MGAT4C: variants seen among roughly 807,000 people sequenced by gnomAD.
MGAT4C encodes MGAT4 family member C, also known as alpha-1,3-mannosyl-glycoprotein 4-beta-N-acetylglucosaminyltransferase C.
MGAT4C carries 19 observed loss-of-function variants against 40.1 expected under a neutral mutation model. That is an observed-to-expected ratio of 0.47 (90% CI 0.33 to 0.70). MGAT4C has a LOEUF of 0.70. MGAT4C is among the 30% of genes least tolerant of loss of function. MGAT4C has a pLI of 0.02. For missense variants in MGAT4C, 491 were observed against 563.2 expected (o/e 0.87, Z 1.30); for synonymous variants, 181 against 187.1 (o/e 0.97, Z 0.27).
At chr12:86,714,697 A>G (rs1950614491) in intron 2 of MGAT4C, among the ~76,000 whole-genome samples, 1 of 151,886 alleles carries the variant, frequency 6.6e-6, no homozygotes, top group Admixed American at 6.6e-5. Flanking sequence ...TAAATTACCC[A>G]GTCTCCAGTA....
chr12:85,968,682 C>T lies in MGAT4C; in HGVS notation c.*10607G>A, dbSNP rs1175798689. ...CTTAGTTGCTCCGTGGTTGTCAAAT[C>T]TGTCTGCACATTAGGATCACTTAGG... On this transcript the variant is annotated 3_prime_UTR_variant, in exon 5 of 5. Transcript: ENST00000611864. The T allele has an allele frequency of 6.6e-6, 1 of 151,920 alleles. No homozygotes were observed. The highest frequency in any genetic ancestry group is 2.1e-4 in the South Asian group (1 of 4,832). The allele number at this position is 151,920 out of a possible 1,614,324, so 9.4% of individuals were successfully genotyped here.
chr12:86,732,621 A>T (rs996923135), intron 1 of MGAT4C, among the ~76,000 whole-genome samples: 2 of 151,940 alleles, frequency 1.3e-5, no homozygotes, highest in African/African-American at 4.8e-5. Context: ...GCCAAGACAG[A>T]TCTGACAGGA....
At chr12:86,325,854 G>A (rs2136167433) in intron 4 of MGAT4C, among the ~76,000 whole-genome samples, 1 of 150,828 alleles carries the variant, frequency 6.6e-6, no homozygotes, top group South Asian at 2.1e-4. Context: ...TCTTGCCTGG[G>A]CAACAGACTG....
Position 85,967,544 on chromosome 12 carries a change from C to G in MGAT4C, c.*11745G>C, listed in dbSNP as rs1232328027. ...ATAAAATCTGAAAATCATATAAGTC[C>G]AAGATGAAACTGATCTCAAATTATT... On this transcript the variant is annotated 3_prime_UTR_variant, in exon 5 of 5. Coordinates refer to ENST00000611864, the MANE Select transcript of MGAT4C (RefSeq NM_001351288.2). 1 of 151,834 alleles carries G rather than the reference C, an allele frequency of 6.6e-6. No individual in the cohort carries two copies. Among genetic ancestry groups the G allele is most frequent in the Non-Finnish European group, 1.5e-5 (1 of 67,912 alleles). 9.4% of individuals were successfully genotyped at this position (151,834 alleles called of 1,614,324 possible). A position where few individuals can be genotyped will look rare whatever the true frequency, so the allele number is the denominator to read the frequency against.
At chr12:86,805,687 G>C (rs1250354504) in intron 1 of MGAT4C, among the ~76,000 whole-genome samples, 1 of 151,870 alleles carries the variant, frequency 6.6e-6, no homozygotes, top group Non-Finnish European at 1.5e-5. Context: ...GAACATGTCA[G>C]TACATATATG....
At chr12:86,113,938 T>C (rs552239938) in intron 1 of MGAT4C, among the ~76,000 whole-genome samples, 1 of 152,016 alleles carries the variant, frequency 6.6e-6, no homozygotes, top group East Asian at 1.9e-4. Context: ...AAATCACTCA[T>C]TCACCTTTTA....
chr12:86,636,496 TA>T (rs914360024), intron 2 of MGAT4C, among the ~76,000 whole-genome samples: 7 of 151,952 alleles, frequency 4.6e-5, no homozygotes, highest in African/African-American at 1.4e-4. Flanking sequence ...GATGAGGTCA[TA>T]AAGGCAGGGC....
At chr12:86,167,562 A>T (rs1272807619) in intron 1 of MGAT4C, among the ~76,000 whole-genome samples, 2 of 152,328 alleles carry the variant, frequency 1.3e-5, no homozygotes, top group East Asian at 3.9e-4. Flanking sequence ...TCCATGATTG[A>T]TTAAGAGGCT....
chr12:86,207,103 T>G (rs1950286784), intron 1 of MGAT4C, among the ~76,000 whole-genome samples: 1 of 59,196 alleles, frequency 1.7e-5, no homozygotes, highest in Non-Finnish European at 4.5e-5. Context: ...TGTTGGACCC[T>G]TTTTTTTCTT....
intron 2 of MGAT4C, among the ~76,000 whole-genome samples, chr12:86,019,651 T>C (rs1042608612): frequency 2.0e-5 from 3 of 152,200 alleles, no homozygotes; most frequent in Non-Finnish European, 4.4e-5. Context: ...TTCTTTTGGC[T>C]TAGGATAGAC....
At chr12:86,671,477 T>C (rs967967699) in intron 2 of MGAT4C, among the ~76,000 whole-genome samples, 23 of 152,108 alleles carry the variant, frequency 1.5e-4, no homozygotes, top group African/African-American at 5.1e-4. Flanking sequence ...GCATTCTTAA[T>C]GAAAGGATAC....
chr12:86,169,588 C>T (rs1370592838), intron 1 of MGAT4C, among the ~76,000 whole-genome samples: 1 of 152,108 alleles, frequency 6.6e-6, no homozygotes, highest in Non-Finnish European at 1.5e-5. Context: ...TTGGGTACTC[C>T]ATTGGTGTAG....
chr12:86,810,402 C>T (rs1193477165), intron 1 of MGAT4C, among the ~76,000 whole-genome samples: 1 of 151,708 alleles, frequency 6.6e-6, no homozygotes, highest in Non-Finnish European at 1.5e-5. Context: ...ATATACTTTC[C>T]TTATTTCCAA....
rs145373081 is a variant in MGAT4C at position 86,820,282 on chromosome 12, A to G, written c.-262+18384T>C. ...TCAAAGGTTATTTCTTACTTGTTGT[A>G]TATGTCCACTATGGGTTGGTGGGAA... On this transcript the variant is annotated intron_variant, in intron 1 of 7. Transcript: ENST00000548651. Among the ~76,000 whole-genome samples, 589 of 150,928 alleles carry G rather than the reference A, an allele frequency of 3.9e-3. 2 individuals are homozygous for G. The highest frequency in any genetic ancestry group is 0.014 in the African/African-American group (576 of 41,438).
chr12:86,290,460 A>T (rs1953480662), intron 4 of MGAT4C, among the ~76,000 whole-genome samples: 1 of 79,288 alleles, frequency 1.3e-5, no homozygotes, highest in South Asian at 6.8e-4. Context: ...AGCATTGATT[A>T]TACAGACTAA....
chr12:86,633,217 C>A (rs1485445482), intron 2 of MGAT4C, among the ~76,000 whole-genome samples: 1 of 151,844 alleles, frequency 6.6e-6, no homozygotes, highest in Non-Finnish European at 1.5e-5. Flanking sequence ...AAAATATGCA[C>A]TTATTTCCAT....
At chr12:86,008,011 G>A (rs1357250200) in intron 2 of MGAT4C, among the ~76,000 whole-genome samples, 3 of 143,620 alleles carry the variant, frequency 2.1e-5, no homozygotes, top group Non-Finnish European at 4.8e-5. Context: ...ATCTCTATTA[G>A]GTATATGTCT....
intron 1 of MGAT4C, among the ~76,000 whole-genome samples, chr12:86,139,777 GC>G (rs1464296896): frequency 6.6e-6 from 1 of 152,092 alleles, no homozygotes; most frequent in Non-Finnish European, 1.5e-5. Context: ...ACTAGACAAT[GC>G]CAAATAATTT....
chr12:86,613,890 C>G (rs1457457478), intron 2 of MGAT4C, among the ~76,000 whole-genome samples: 2 of 151,940 alleles, frequency 1.3e-5, no homozygotes, highest in Admixed American at 6.6e-5. Context: ...TTTTTCTTTT[C>G]TAGCTCTCAC....
Sources: allele counts gnomAD v4.1 joint callset (sites outside exome capture counted in the v4.1 genomes callset), GRCh38; gene constraint gnomAD v4.1.1; transcripts MANE v1.5; gene names NCBI Gene and HGNC (gene_info 2026-07-23, HGNC 2026-07-21).